Variants in DHRSX observed in about 807,000 individuals in gnomAD.
DHRSX encodes the protein dehydrogenase/reductase X-linked.
DHRSX carries 31 observed loss-of-function variants against 34.0 expected under a neutral mutation model. The observed-to-expected ratio is 0.91, with a 90% CI of 0.69 to 1.23. The LOEUF is 1.23. DHRSX is among the 50% of genes most tolerant of loss of function. The pLI is 0.00. For synonymous variants in DHRSX, 201 were observed against 183.8 expected, an observed-to-expected ratio of 1.09 and a Z score of -0.76; for missense variants, 414 against 428.1, an observed-to-expected ratio of 0.97 and a Z score of 0.29.
chrX:2,485,085 G>C (rs986988536), intron 1 of DHRSX, among the ~76,000 whole-genome samples: 1 of 152,182 alleles, frequency 6.6e-6, no homozygotes, highest in Non-Finnish European at 1.5e-5. Flanking sequence ...CTCAGAGTTA[G>C]GGCTGTGCAG....
chrX:2,249,242 G>C (rs1602796348), intron 5 of DHRSX, among the ~76,000 whole-genome samples: 2 of 136,556 alleles, frequency 1.5e-5, no homozygotes, highest in East Asian at 2.0e-4. Flanking sequence ...GCCCAGGCTA[G>C]AGTACAGTGG....
chrX:2,290,986 C>T (rs2041858370), intron 4 of DHRSX, among the ~76,000 whole-genome samples: 1 of 152,116 alleles, frequency 6.6e-6, no homozygotes, highest in Non-Finnish European at 1.5e-5. Context: ...ACCTTAAGCA[C>T]TCAGCGAGGC....
chrX:2,270,111 G>A (rs745378952), intron 4 of DHRSX, among the ~76,000 whole-genome samples: 2 of 152,244 alleles, frequency 1.3e-5, no homozygotes, highest in Admixed American at 6.5e-5. Context: ...TTGCTTCTGT[G>A]TGTACTGTAA....
At chrX:2,441,504 G>A (rs907070558) in intron 1 of DHRSX, among the ~76,000 whole-genome samples, 6 of 152,106 alleles carry the variant, frequency 3.9e-5, no homozygotes, top group Non-Finnish European at 7.3e-5. Context: ...TAAAGAACTG[G>A]CTCCCAAGAT....
At chrX:2,377,099 C>G (rs1781744230) in intron 3 of DHRSX, among the ~76,000 whole-genome samples, 1 of 152,054 alleles carries the variant, frequency 6.6e-6, no homozygotes, top group African/African-American at 2.4e-5. Context: ...CGTCCCCAGC[C>G]TTTCTGGCAC....
At chrX:2,408,327 G>A (rs2043584347) in intron 3 of DHRSX, among the ~76,000 whole-genome samples, 1 of 151,984 alleles carries the variant, frequency 6.6e-6, no homozygotes, top group Admixed American at 6.6e-5. Flanking sequence ...ACCCGCCTCA[G>A]CCTCCCAAAG....
At chrX:2,498,493 T>G (rs2045334824) in intron 1 of DHRSX, among the ~76,000 whole-genome samples, 1 of 152,166 alleles carries the variant, frequency 6.6e-6, no homozygotes, top group Non-Finnish European at 1.5e-5. Context: ...GGCAAGCCAC[T>G]TAAGTTAATC....
intron 1 of DHRSX, chrX:2,490,243 C>A: frequency 1.9e-6 from 3 of 1,613,890 alleles, no homozygotes; most frequent in Non-Finnish European, 2.5e-6. Context: ...GCAGCTCATA[C>A]CGGGGGTCGG....
At chrX:2,293,618 C>A (rs1043387431) in intron 3 of DHRSX, among the ~76,000 whole-genome samples, 1 of 152,084 alleles carries the variant, frequency 6.6e-6, no homozygotes, top group Non-Finnish European at 1.5e-5. Flanking sequence ...AGACAGGAGT[C>A]CTCAGGGAGG....
chrX:2,464,217 CTT>C (rs1366442135), intron 1 of DHRSX, among the ~76,000 whole-genome samples: 1 of 146,862 alleles, frequency 6.8e-6, no homozygotes, highest in Non-Finnish European at 1.5e-5. Flanking sequence ...CGTGTACACA[CTT>C]AAGACATTCC....
intron 3 of DHRSX, among the ~76,000 whole-genome samples, chrX:2,339,702 T>C (rs1441821440): frequency 1.3e-5 from 2 of 152,102 alleles, no homozygotes; most frequent in Non-Finnish European, 2.9e-5. Flanking sequence ...CATGAACTTG[T>C]CCTTTTTTAT....
intron 3 of DHRSX, among the ~76,000 whole-genome samples, chrX:2,387,860 GAAA>G (rs34709179): frequency 2.0e-5 from 1 of 49,680 alleles, no homozygotes; most frequent in African/African-American, 8.5e-5. Context: ...ACAGCAGGCG[GAAA>G]AAAAAAAAAA....
chrX:2,235,742 A>AGG (rs1569477849), intron 6 of DHRSX, among the ~76,000 whole-genome samples: 1 of 53,250 alleles, frequency 1.9e-5, no homozygotes, highest in Non-Finnish European at 6.7e-5. Flanking sequence ...CTCAGGGGAA[A>AGG]AAAAAAAAAA....
intron 3 of DHRSX, among the ~76,000 whole-genome samples, chrX:2,407,552 G>GTTATCTAACC (rs1469677407): frequency 1.3e-5 from 2 of 152,128 alleles, no homozygotes; most frequent in Non-Finnish European, 1.5e-5. Context: ...ACATCCCCTC[G>GTTATCTAACC]TTATCTAACC....
chrX:2,469,423 G>A (rs2044554634), intron 1 of DHRSX, among the ~76,000 whole-genome samples: 1 of 148,412 alleles, frequency 6.7e-6, no homozygotes, highest in Middle Eastern at 4.1e-3. Context: ...GCCAAGCGAC[G>A]GCACTGAAGA....
At chrX:2,395,561 T>A (rs2043399186) in intron 3 of DHRSX, among the ~76,000 whole-genome samples, 1 of 152,058 alleles carries the variant, frequency 6.6e-6, no homozygotes, top group Non-Finnish European at 1.5e-5. Context: ...TCATGCCCCA[T>A]CGGTGACCAG....
intron 5 of DHRSX, among the ~76,000 whole-genome samples, chrX:2,263,577 G>A (rs1425184847): frequency 6.7e-6 from 1 of 148,232 alleles, no homozygotes; most frequent in Non-Finnish European, 1.5e-5. Flanking sequence ...GCAGTGGCGT[G>A]ATCTTGGCTC....
chrX:2,274,010 C>T (rs977082944), intron 4 of DHRSX, among the ~76,000 whole-genome samples: 14 of 152,032 alleles, frequency 9.2e-5, no homozygotes, highest in African/African-American at 2.9e-4. Flanking sequence ...TGAGCTACTG[C>T]GAGTAATTAC....
intron 3 of DHRSX, among the ~76,000 whole-genome samples, chrX:2,322,302 A>G (rs1293499465): frequency 6.6e-6 from 1 of 151,924 alleles, no homozygotes; most frequent in Non-Finnish European, 1.5e-5. Flanking sequence ...TAATCTCCAC[A>G]CTTTGGGACG....
Sources: gnomAD v4.1 joint callset for allele counts (sites outside exome capture counted in the v4.1 genomes callset) on GRCh38, gnomAD v4.1.1 for gene constraint, MANE v1.5 for transcripts, NCBI Gene and HGNC (gene_info 2026-07-23, HGNC 2026-07-21) for gene names.